Variants in AKAP6 observed in about 807,000 individuals in gnomAD.
The protein encoded by AKAP6 is A-kinase anchor protein 6.
In AKAP6, 58 loss-of-function variants were observed where a neutral mutation model predicts 188.5. That is an observed-to-expected ratio of 0.31 (90% CI 0.25 to 0.38). The LOEUF (loss-of-function observed/expected upper bound fraction) is 0.38, where lower values mean the gene tolerates loss of function less well. Ranked by LOEUF, AKAP6 falls within the 10% of genes least tolerant of loss-of-function variation. The pLI, the probability that AKAP6 is intolerant of heterozygous loss-of-function variation, is 1.00. For synonymous variants in AKAP6, 989 were observed against 998.6 expected, an observed-to-expected ratio of 0.99 and a Z score of 0.18; for missense variants, 2,710 against 2,740.0, an observed-to-expected ratio of 0.99 and a Z score of 0.24.
intron 7 of AKAP6, among the ~76,000 whole-genome samples, chr14:32,659,044 A>C (rs1306100555): frequency 6.6e-6 from 1 of 152,208 alleles, no homozygotes; most frequent in East Asian, 1.9e-4. Context: ...TTGACAAGAC[A>C]CTAGCATGTT....
intron 11 of AKAP6, among the ~76,000 whole-genome samples, chr14:32,751,564 T>A (rs2032141268): frequency 6.6e-6 from 1 of 150,700 alleles, no homozygotes; most frequent in Non-Finnish European, 1.5e-5. Flanking sequence ...CTGCTTTAGA[T>A]CAGGAAAGTT....
chr14:32,719,348 C>T (rs902728949), intron 9 of AKAP6, among the ~76,000 whole-genome samples: 2 of 152,116 alleles, frequency 1.3e-5, no homozygotes, highest in Non-Finnish European at 2.9e-5. Context: ...TTGCATGAAA[C>T]TTGAAAAGAT....
intron 2 of AKAP6, among the ~76,000 whole-genome samples, chr14:32,502,293 C>T (rs1880645178): frequency 6.6e-6 from 1 of 151,990 alleles, no homozygotes; most frequent in African/African-American, 2.4e-5. Context: ...ATAAATATTC[C>T]TCAAAGGAGA....
At chr14:32,808,972 C>T (rs991035505) in intron 12 of AKAP6, among the ~76,000 whole-genome samples, 7 of 152,264 alleles carry the variant, frequency 4.6e-5, no homozygotes, top group Middle Eastern at 3.4e-3. Context: ...AAAGGAAACG[C>T]ACATCATAAG....
intron 12 of AKAP6, among the ~76,000 whole-genome samples, chr14:32,776,227 TGTA>T (rs1292348692): frequency 6.6e-6 from 1 of 152,216 alleles, no homozygotes; most frequent in Non-Finnish European, 1.5e-5. Context: ...CCTCTTGAAT[TGTA>T]GCTCCCATAA....
At chr14:32,788,699 T>G (rs2033511006) in intron 12 of AKAP6, among the ~76,000 whole-genome samples, 1 of 152,124 alleles carries the variant, frequency 6.6e-6, no homozygotes, top group African/African-American at 2.4e-5. Flanking sequence ...CTACCAGGTC[T>G]TTGGGTCCGA....
chr14:32,685,082 C>G (rs1041129287), intron 8 of AKAP6, among the ~76,000 whole-genome samples: 2 of 115,558 alleles, frequency 1.7e-5, no homozygotes, highest in Non-Finnish European at 3.4e-5. Context: ...ATAGTAAGAC[C>G]CCCCCCTACC....
At chr14:32,825,219 C>T (rs1174108013) in intron 13 of AKAP6, among the ~76,000 whole-genome samples, 1 of 152,188 alleles carries the variant, frequency 6.6e-6, no homozygotes, top group Non-Finnish European at 1.5e-5. Flanking sequence ...CCGTTCTCTT[C>T]AGTGCCTGCA....
intron 4 of AKAP6, among the ~76,000 whole-genome samples, 159 bp from the exon 5 acceptor site, chr14:32,576,961 G>A (rs1594756108): frequency 6.6e-6 from 1 of 152,160 alleles, no homozygotes; most frequent in African/African-American, 2.4e-5. Flanking sequence ...AGGAATAGTG[G>A]AAATTCCATT....
chr14:32,557,180 G>A (rs962736925), intron 4 of AKAP6, among the ~76,000 whole-genome samples: 2 of 152,150 alleles, frequency 1.3e-5, no homozygotes, highest in Non-Finnish European at 2.9e-5. Context: ...CCACCTCCTG[G>A]AGCTTAGTTG....
chr14:32,361,708 A>G (rs1887670329), intron 1 of AKAP6, among the ~76,000 whole-genome samples: 1 of 152,148 alleles, frequency 6.6e-6, no homozygotes, highest in African/African-American at 2.4e-5. Context: ...ATAAGGCTCA[A>G]TCCCAACAGA....
At chr14:32,735,513 G>A in intron 10 of AKAP6, 145 bp from the exon 11 acceptor site, 1 of 597,994 alleles carries the variant, frequency 1.7e-6, no homozygotes, top group Non-Finnish European at 2.9e-6. Context: ...GGTATAGATG[G>A]ACTCTTCCAG....
At chr14:32,523,713 C>T (rs754784232) in intron 2 of AKAP6, among the ~76,000 whole-genome samples, 5 of 150,398 alleles carry the variant, frequency 3.3e-5, no homozygotes, top group East Asian at 3.9e-4. Flanking sequence ...AGCGATCTGC[C>T]GGCCTCAGCC....
intron 11 of AKAP6, among the ~76,000 whole-genome samples, chr14:32,758,482 C>T (rs2032421688): frequency 6.6e-6 from 1 of 152,200 alleles, no homozygotes; most frequent in African/African-American, 2.4e-5. Context: ...GCCTGTAATC[C>T]CAGCACTTTG....
intron 9 of AKAP6, among the ~76,000 whole-genome samples, chr14:32,724,791 GCA>G (rs1447672931): frequency 6.6e-6 from 1 of 151,822 alleles, no homozygotes; most frequent in Non-Finnish European, 1.5e-5. Context: ...AGACTAGAGA[GCA>G]CACGGGATAT....
At chr14:32,462,919 A>AC (rs1482155728) in intron 2 of AKAP6, among the ~76,000 whole-genome samples, 79 of 135,016 alleles carry the variant, frequency 5.9e-4, no homozygotes, top group African/African-American at 2.1e-3. Context: ...AAAAAAAAAA[A>AC]AAAAAAACCC....
intron 2 of AKAP6, among the ~76,000 whole-genome samples, chr14:32,448,491 G>A (rs1005145967): frequency 1.3e-5 from 2 of 152,074 alleles, no homozygotes; most frequent in African/African-American, 2.4e-5. Flanking sequence ...ATAATATCTG[G>A]CCCTCTAGTG....
chr14:32,412,020 T>C (rs1369143085), intron 1 of AKAP6, among the ~76,000 whole-genome samples: 1 of 152,164 alleles, frequency 6.6e-6, no homozygotes, highest in African/African-American at 2.4e-5. Context: ...ATCTTGGTTT[T>C]TGTGAGGCAG....
intron 5 of AKAP6, among the ~76,000 whole-genome samples, chr14:32,585,231 T>G (rs547354060): frequency 1.3e-5 from 2 of 152,260 alleles, no homozygotes; most frequent in African/African-American, 4.8e-5. Flanking sequence ...AACCAGCGCT[T>G]CTTTTATCTG....
Sources: allele counts gnomAD v4.1 joint callset (sites outside exome capture counted in the v4.1 genomes callset), GRCh38; gene constraint gnomAD v4.1.1; transcripts MANE v1.5; gene names NCBI Gene and HGNC (gene_info 2026-07-23, HGNC 2026-07-21).